Variants in EIF3E observed in about 807,000 individuals in gnomAD.
EIF3E encodes eIF-3 p48.
Under a neutral mutation model 59.3 loss-of-function variants are expected in EIF3E, and 25 were observed. The observed-to-expected ratio is 0.42, with a 90% confidence interval of 0.31 to 0.59. The LOEUF is 0.59. Among genes scored for constraint, EIF3E ranks in the 20% least tolerant of loss-of-function variants. The pLI, the probability that EIF3E is intolerant of heterozygous loss-of-function variation, is 0.15. For missense variants in EIF3E, 317 were observed against 534.3 expected, an observed-to-expected ratio of 0.59 and a Z score of 4.01; for synonymous variants, 176 against 170.2, an observed-to-expected ratio of 1.03 and a Z score of -0.26.
intron 10 of EIF3E, among the ~76,000 whole-genome samples, chr8:108,210,012 T>C (rs1450759148): frequency 6.6e-6 from 1 of 151,660 alleles, no homozygotes; most frequent in African/African-American, 2.4e-5. Flanking sequence ...TTACAACTGA[T>C]ACATAATCAT....
At chr8:108,248,069 G>GTGT in intron 1 of EIF3E, among the ~76,000 whole-genome samples, 1 of 151,604 alleles carries the variant, frequency 6.6e-6, no homozygotes, top group Non-Finnish European at 1.5e-5. Context: ...GACGAAATAT[G>GTGT]CTGTTCTAGA....
intron 10 of EIF3E, among the ~76,000 whole-genome samples, chr8:108,212,662 C>T (rs564900515): frequency 1.3e-5 from 2 of 152,024 alleles, no homozygotes; most frequent in African/African-American, 2.4e-5. Context: ...ATTAGCTGGG[C>T]GTGGTGGCAC....
intron 3 of EIF3E, 88 bp downstream of exon 3, chr8:108,239,870 A>T: frequency 1.9e-6 from 2 of 1,055,548 alleles, no homozygotes; most frequent in Non-Finnish European, 2.9e-6. Context: ...ATGAACTTTT[A>T]CTATGGGATA....
At chr8:108,229,329 G>T in intron 5 of EIF3E, 134 bp from the exon 6 acceptor site, 1 of 831,384 alleles carries the variant, frequency 1.2e-6, no homozygotes, top group Non-Finnish European at 1.7e-6. Context: ...AATTATCTAA[G>T]TCCTTATTGG....
chr8:108,203,515 G>GT lies in EIF3E; in HGVS notation c.1062-13dup, dbSNP rs1815033984. The GT allele has an allele frequency of 6.2e-7, 1 of 1,609,082 alleles. No individual in the cohort carries two copies. The highest frequency in any genetic ancestry group is 1.3e-5 in the African/African-American group (1 of 74,766). ...TATCTGCCAACATGCTAATGAAAAAGTAAAAACAGCAATGTTAATTAACTG... is the reference window on the plus strand; with the variant it reads ...TATCTGCCAACATGCTAATGAAAAAGTTAAAAACAGCAATGTTAATTAACTG... On this transcript the variant is annotated splice_polypyrimidine_tract_variant and intron_variant, in intron 10 of 12. Coordinates refer to ENST00000220849, the MANE Select transcript of EIF3E (RefSeq NM_001568.3).
chr8:108,206,374 A>C (rs990328608), intron 10 of EIF3E, among the ~76,000 whole-genome samples: 18 of 152,184 alleles, frequency 1.2e-4, no homozygotes, highest in Admixed American at 7.9e-4. Context: ...GGACCTATGT[A>C]TGTGAAATGC....
At chr8:108,225,424 G>A (rs1815500310) in intron 7 of EIF3E, among the ~76,000 whole-genome samples, 1 of 151,234 alleles carries the variant, frequency 6.6e-6, no homozygotes, top group South Asian at 2.1e-4. Context: ...TAACTCACTG[G>A]ACCAGTAAGT....
chr8:108,248,604 C>G lies in EIF3E; in HGVS notation c.90+9G>C. 1 of 1,613,734 alleles carries G rather than the reference C, an allele frequency of 6.2e-7. No homozygotes were observed. The highest frequency in any genetic ancestry group is 8.5e-7 in the Non-Finnish European group (1 of 1,179,778). On this transcript the variant is annotated intron_variant, in intron 1 of 12. Coordinates refer to ENST00000220849, the MANE Select transcript of EIF3E (RefSeq NM_001568.3). ...CCCACGCCTTCCTTGCGCCCAAAGA[C>G]CCCCTCACCTCCTTTACAGAGAGAA...
In EIF3E at chr8:108,234,828, T is replaced by C. The variant is rs1212699116; in HGVS notation, c.471+170A>G. 6 of 397,992 alleles carry C rather than the reference T, an allele frequency of 1.5e-5. No individual in the cohort carries two copies. In the Admixed American group the frequency reaches 2.2e-4, roughly 15 times the overall value. The allele number at this position is 397,992 out of a possible 1,614,324, so 24.7% of individuals were successfully genotyped here. On this transcript the variant is annotated intron_variant, in intron 5 of 12. Coordinates refer to ENST00000220849, the MANE Select transcript of EIF3E (RefSeq NM_001568.3). Reference sequence around the variant, plus strand: ...TTTTGAGGCCCTGAAACAAGGTTTCTAGTTTCTGTTTTTGAGTGGGAGGGT... The same window carrying C: ...TTTTGAGGCCCTGAAACAAGGTTTCCAGTTTCTGTTTTTGAGTGGGAGGGT...
At chr8:108,212,847 T>C (rs1410892632) in intron 10 of EIF3E, among the ~76,000 whole-genome samples, 1 of 150,828 alleles carries the variant, frequency 6.6e-6, no homozygotes, top group African/African-American at 2.4e-5. Context: ...TATTGATCTA[T>C]GTACTCTTAA....
At chr8:108,209,119 T>A (rs1815160322) in intron 10 of EIF3E, among the ~76,000 whole-genome samples, 1 of 152,016 alleles carries the variant, frequency 6.6e-6, no homozygotes, top group East Asian at 1.9e-4. Context: ...AATAAACAAT[T>A]ATGGGTTTTA....
chr8:108,201,924 C>A lies in EIF3E; in HGVS notation c.1300-1G>T. The A allele has an allele frequency of 6.4e-7, 1 of 1,568,392 alleles. No homozygotes were observed. Among genetic ancestry groups the A allele is most frequent in the Non-Finnish European group, 8.6e-7 (1 of 1,157,264 alleles). The stretch of plus-strand genomic sequence containing the variant: ...AATCTTGAGTTGCCCAGTTAGGAGC[C>A]TAAAATATGCAAAAAGAAATCAACA... On this transcript the variant is annotated splice_acceptor_variant, in intron 12 of 12. Coordinates refer to ENST00000220849, the MANE Select transcript of EIF3E (RefSeq NM_001568.3). LOFTEE classifies it high-confidence loss of function.
At chr8:108,218,409 G>A (rs1815343308) in intron 7 of EIF3E, among the ~76,000 whole-genome samples, 1 of 152,140 alleles carries the variant, frequency 6.6e-6, no homozygotes, top group Non-Finnish European at 1.5e-5. Flanking sequence ...GCAATGATGA[G>A]TAAATCTGTA....
At chr8:108,231,638 G>C (rs948301966) in intron 5 of EIF3E, among the ~76,000 whole-genome samples, 3 of 152,066 alleles carry the variant, frequency 2.0e-5, no homozygotes, top group African/African-American at 7.2e-5. Flanking sequence ...TATGGAGCCA[G>C]ATCAAAGGCC....
intron 10 of EIF3E, 82 bp downstream of exon 10, chr8:108,214,525 C>G: frequency 1.0e-6 from 1 of 973,620 alleles, no homozygotes; most frequent in Non-Finnish European, 1.5e-6. Context: ...AACTGGAATT[C>G]TATTAAGTGT....
At chr8:108,230,254 C>A (rs557450319) in intron 5 of EIF3E, among the ~76,000 whole-genome samples, 2 of 152,128 alleles carry the variant, frequency 1.3e-5, no homozygotes, top group Non-Finnish European at 2.9e-5. Flanking sequence ...TCTGTCTCTA[C>A]CACTTAACAG....
chr8:108,208,818 G>A (rs951164520), intron 10 of EIF3E, among the ~76,000 whole-genome samples: 6 of 151,830 alleles, frequency 4.0e-5, no homozygotes, highest in East Asian at 1.9e-4. Flanking sequence ...TTGAAAACTC[G>A]TCCAAGAATT....
intron 3 of EIF3E, among the ~76,000 whole-genome samples, chr8:108,238,893 G>T (rs537975905): frequency 1.3e-5 from 2 of 152,278 alleles, no homozygotes; most frequent in African/African-American, 4.8e-5. Flanking sequence ...TTTAGTAAGA[G>T]ATTTTATTTT....
chr8:108,220,876 C>T (rs2129876401), intron 7 of EIF3E, among the ~76,000 whole-genome samples: 1 of 152,226 alleles, frequency 6.6e-6, no homozygotes, highest in South Asian at 2.1e-4. Flanking sequence ...ACTACACATG[C>T]CTGGGCGTAG....
Sources: allele counts gnomAD v4.1 joint callset (sites outside exome capture counted in the v4.1 genomes callset), GRCh38; gene constraint gnomAD v4.1.1; transcripts MANE v1.5; gene names NCBI Gene and HGNC (gene_info 2026-07-23, HGNC 2026-07-21).